The following GALNT10 variants were observed in gnomAD, a reference collection of about 807,000 sequenced individuals.
The protein encoded by GALNT10 is GalNAc transferase 10.
A neutral mutation model predicts 75.0 loss-of-function variants in GALNT10; 41 were observed. The ratio of observed to expected loss-of-function variants is 0.55; its 90% CI spans 0.43 to 0.71. The LOEUF (loss-of-function observed/expected upper bound fraction) is 0.71. Ranked by LOEUF, GALNT10 falls within the 30% of genes least tolerant of loss-of-function variation. The probability of loss-of-function intolerance (pLI) is 0.00; values close to 1 mark genes in which losing one functional copy is unlikely to be tolerated. For missense variants in GALNT10, 727 were observed against 818.5 expected, an observed-to-expected ratio of 0.89 and a Z score of 1.36; for synonymous variants, 302 against 313.0, an observed-to-expected ratio of 0.96 and a Z score of 0.37.
chr5:154,259,761 G>A (rs1459779729), intron 1 of GALNT10, among the ~76,000 whole-genome samples: 2 of 152,122 alleles, frequency 1.3e-5, no homozygotes, highest in African/African-American at 4.8e-5. Context: ...TCTTACATAT[G>A]TTATAAGCCC....
intron 1 of GALNT10, among the ~76,000 whole-genome samples, chr5:154,279,304 G>GTTTTTTTT (rs1199051669): frequency 9.9e-6 from 1 of 101,356 alleles, no homozygotes; most frequent in African/African-American, 3.7e-5. Context: ...TTGTTGTTTT[G>GTTTTTTTT]TTTTTTTTTT....
chr5:154,395,417 T>C (rs558080442), intron 7 of GALNT10, among the ~76,000 whole-genome samples: 1 of 152,356 alleles, frequency 6.6e-6, no homozygotes, highest in East Asian at 1.9e-4. Flanking sequence ...GATGGAATAA[T>C]CTTTACTTCA....
chr5:154,405,293 G>A (rs1297764333), intron 8 of GALNT10, among the ~76,000 whole-genome samples: 4 of 152,182 alleles, frequency 2.6e-5, no homozygotes, highest in African/African-American at 7.2e-5. Flanking sequence ...CAAAGAGGCC[G>A]CGCGTCTCCC....
At chr5:154,193,601 G>A (rs995294272) in intron 1 of GALNT10, among the ~76,000 whole-genome samples, 18 of 152,210 alleles carry the variant, frequency 1.2e-4, no homozygotes, top group Non-Finnish European at 2.5e-4. Flanking sequence ...TGAGCATCTC[G>A]TTGATCCTTC....
rs1171376387 is a variant in GALNT10 at position 154,416,350 on chromosome 5, T to C, written c.1653+418T>C. 6.6e-6 allele frequency among the ~76,000 whole-genome samples: 1 copy of C among 152,018 alleles called. No individual in the cohort carries two copies. Among genetic ancestry groups the C allele is most frequent in the Non-Finnish European group, 1.5e-5 (1 of 68,030 alleles). On this transcript the variant is annotated intron_variant, in intron 11 of 11. Coordinates refer to ENST00000297107, the MANE Select transcript of GALNT10 (RefSeq NM_198321.4). This position sits in a 1 kb window ranked among gnomAD's most constrained non-coding sequence, Gnocchi z 4.5. ...CGGGAGGCCGAGGCAGGAGAAGCAC[T>C]TGAACCTGAGAGGCAGAGGTTGCAG...
intron 7 of GALNT10, among the ~76,000 whole-genome samples, chr5:154,397,904 G>A (rs1478500492): frequency 1.3e-5 from 2 of 152,092 alleles, no homozygotes. Context: ...CTTCTTTCTG[G>A]GTCCCATTGT....
intron 3 of GALNT10, among the ~76,000 whole-genome samples, chr5:154,318,005 A>G (rs568450843): frequency 1.2e-4 from 18 of 152,350 alleles, no homozygotes; most frequent in Admixed American, 9.1e-4. Flanking sequence ...CGTCTTTCCC[A>G]GTTGTCTCAG....
intron 1 of GALNT10, among the ~76,000 whole-genome samples, chr5:154,193,928 A>T (rs565693206): frequency 2.6e-5 from 4 of 152,254 alleles, no homozygotes; most frequent in Non-Finnish European, 4.4e-5. Flanking sequence ...CTGGTCAGAC[A>T]GTTGGCTTCT....
intron 4 of GALNT10, among the ~76,000 whole-genome samples, chr5:154,374,138 T>C (rs1755620771): frequency 1.3e-5 from 2 of 152,196 alleles, no homozygotes; most frequent in African/African-American, 4.8e-5. Context: ...TCTTGTCTTG[T>C]TGCCCAAGAA....
intron 10 of GALNT10, among the ~76,000 whole-genome samples, chr5:154,415,216 T>C (rs1756480018): frequency 6.6e-6 from 1 of 152,236 alleles, no homozygotes; most frequent in Non-Finnish European, 1.5e-5. Flanking sequence ...TTAGATGTTA[T>C]AATGGCACTT....
chr5:154,404,328 T>G (rs1291183973), intron 8 of GALNT10, 117 bp downstream of exon 8: 1 of 595,320 alleles, frequency 1.7e-6, no homozygotes, highest in African/African-American at 1.9e-5. Flanking sequence ...AGGATGTGCC[T>G]CCCATTCTCC....
chr5:154,225,253 C>T lies in GALNT10; in HGVS notation c.159+34228C>T, dbSNP rs186702726. Among the ~76,000 whole-genome samples, 566 of 151,134 alleles carry T rather than the reference C, an allele frequency of 3.7e-3. 2 individuals are homozygous for T. Among genetic ancestry groups the T allele is most frequent in the African/African-American group, 0.013 (547 of 41,148 alleles). Reference sequence around the variant, plus strand: ...GACTACAGGCACCCGCCACCATGCCCGGCTAATTTTTTGTATTTTTAGTAG... The same window carrying T: ...GACTACAGGCACCCGCCACCATGCCTGGCTAATTTTTTGTATTTTTAGTAG... On this transcript the variant is annotated intron_variant, in intron 1 of 11. Coordinates refer to ENST00000297107, the MANE Select transcript of GALNT10 (RefSeq NM_198321.4).
chr5:154,361,990 A>G (rs1581992568), intron 4 of GALNT10, among the ~76,000 whole-genome samples: 1 of 152,260 alleles, frequency 6.6e-6, no homozygotes, highest in Admixed American at 6.5e-5. Context: ...GGCTCCACCC[A>G]GACAGCCATC....
In GALNT10 at chr5:154,416,036, G is replaced by A; in HGVS notation, c.1653+104G>A. On this transcript the variant is annotated intron_variant, in intron 11 of 11. Coordinates refer to ENST00000297107, the MANE Select transcript of GALNT10 (RefSeq NM_198321.4). This position sits in a 1 kb window ranked among gnomAD's most constrained non-coding sequence, Gnocchi z 4.5. Reference sequence around the variant, plus strand: ...ACAGAGCCCATCCACTTATTCATTTGTGCCACAAACCTACCATGCCGGATT... The same window carrying A: ...ACAGAGCCCATCCACTTATTCATTTATGCCACAAACCTACCATGCCGGATT... The A allele has an allele frequency of 9.2e-7, 1 of 1,086,418 alleles. No homozygotes were observed. The highest frequency in any genetic ancestry group is 1.3e-6 in the Non-Finnish European group (1 of 752,658). 67.3% of individuals were successfully genotyped at this position (1,086,418 alleles called of 1,614,324 possible).
chr5:154,263,985 A>G (rs913475230), intron 1 of GALNT10, among the ~76,000 whole-genome samples: 2 of 152,180 alleles, frequency 1.3e-5, no homozygotes, highest in African/African-American at 2.4e-5. Flanking sequence ...GTATGCTTTA[A>G]AAGGGTAAAT....
At chr5:154,295,775 C>T (rs909804322) in intron 2 of GALNT10, among the ~76,000 whole-genome samples, 1 of 152,198 alleles carries the variant, frequency 6.6e-6, no homozygotes, top group African/African-American at 2.4e-5. Flanking sequence ...ACTCATGCCT[C>T]ATGCTTCCTG....
intron 9 of GALNT10, among the ~76,000 whole-genome samples, chr5:154,411,392 A>G (rs976334065): frequency 1.2e-4 from 18 of 152,218 alleles, no homozygotes; most frequent in African/African-American, 4.1e-4. Context: ...CCAGTATACC[A>G]GTAAAGGTGC....
intron 1 of GALNT10, among the ~76,000 whole-genome samples, chr5:154,192,062 A>T (rs1437006141): frequency 6.6e-6 from 1 of 152,206 alleles, no homozygotes; most frequent in Admixed American, 6.5e-5. Context: ...TTCTTACGGG[A>T]TTTCTCTGGT....
intron 1 of GALNT10, among the ~76,000 whole-genome samples, chr5:154,284,825 C>T (rs2113059949): frequency 6.6e-6 from 1 of 152,340 alleles, no homozygotes; most frequent in Admixed American, 6.5e-5. Flanking sequence ...GTGATGATTA[C>T]ACTCATGTGG....
Sources: gnomAD v4.1 joint callset for allele counts (sites outside exome capture counted in the v4.1 genomes callset) on GRCh38, gnomAD v4.1.1 for gene constraint, Gnocchi (gnomAD v3.1) non-coding constraint, MANE v1.5 for transcripts, NCBI Gene and HGNC (gene_info 2026-07-23, HGNC 2026-07-21) for gene names.